Variants in AGPAT3 observed in about 807,000 individuals in gnomAD.
AGPAT3 encodes 1-acyl-sn-glycerol-3-phosphate acyltransferase gamma.
A neutral mutation model predicts 47.3 loss-of-function variants in AGPAT3; 5 were observed. That is an observed-to-expected ratio of 0.11 (90% CI 0.06 to 0.22). The LOEUF (loss-of-function observed/expected upper bound fraction) is 0.22. Ranked by LOEUF, AGPAT3 falls within the 10% of genes least tolerant of loss-of-function variation. AGPAT3 has a pLI of 1.00. For synonymous variants in AGPAT3, 212 were observed against 208.3 expected, an observed-to-expected ratio of 1.02 and a Z score of -0.15; for missense variants, 315 against 493.0, an observed-to-expected ratio of 0.64 and a Z score of 3.42.
chr21:43,969,848 C>G (rs997613644), intron 5 of AGPAT3, among the ~76,000 whole-genome samples: 3 of 152,044 alleles, frequency 2.0e-5, no homozygotes, highest in Non-Finnish European at 4.4e-5. Flanking sequence ...CAGGTGCGTG[C>G]CACCACACCT....
intron 2 of AGPAT3, among the ~76,000 whole-genome samples, chr21:43,923,148 G>A (rs985050571): frequency 2.2e-4 from 33 of 151,800 alleles, no homozygotes; most frequent in African/African-American, 6.5e-4. Context: ...TCGCAGCCTC[G>A]GGGACCTGTG....
chr21:43,909,651 T>C (rs1199065364), intron 2 of AGPAT3, among the ~76,000 whole-genome samples: 1 of 152,150 alleles, frequency 6.6e-6, no homozygotes, highest in African/African-American at 2.4e-5. Flanking sequence ...TCCTGGATAA[T>C]GAAAGGTATC....
intron 7 of AGPAT3, among the ~76,000 whole-genome samples, chr21:43,975,531 C>T (rs2089583199): frequency 6.6e-6 from 1 of 152,160 alleles, no homozygotes; most frequent in African/African-American, 2.4e-5. Context: ...TTCCTCAGTT[C>T]CTAGACAGAA....
At chr21:43,895,994 C>T (rs1362697340) in intron 1 of AGPAT3, among the ~76,000 whole-genome samples, 3 of 152,214 alleles carry the variant, frequency 2.0e-5, no homozygotes, top group African/African-American at 7.2e-5. Context: ...TCCCGAACTC[C>T]TGACCTCAGG....
chr21:43,936,799 G>A (rs532754791), intron 2 of AGPAT3, among the ~76,000 whole-genome samples: 216 of 152,360 alleles, frequency 1.4e-3, no homozygotes, highest in Non-Finnish European at 2.5e-3. Context: ...TGTCAGCTCC[G>A]CCTAAAGCGG....
rs2089892137 is a variant in AGPAT3 at position 43,982,599 on chromosome 21, C to T, written c.*207C>T. The stretch of plus-strand genomic sequence containing the variant: ...CTCCCACAGCGCAGGGTCCCAGCAT[C>T]TCCACGCGCGCCCGTGGGAGGTGGG... On this transcript the variant is annotated 3_prime_UTR_variant, in exon 10 of 10. Transcript: ENST00000291572. The surrounding 1 kb of genome is among the most constrained non-coding windows in gnomAD (Gnocchi z 6.2). The T allele has an allele frequency of 2.3e-6, 1 of 442,894 alleles. No homozygotes were observed. Among genetic ancestry groups the T allele is most frequent in the East Asian group, 4.4e-5 (1 of 22,664 alleles). 27.4% of individuals were successfully genotyped at this position (442,894 alleles called of 1,614,324 possible). A position where few individuals can be genotyped will look rare whatever the true frequency, so the allele number is the denominator to read the frequency against.
At chr21:43,935,654 G>A (rs1420560634) in intron 2 of AGPAT3, among the ~76,000 whole-genome samples, 1 of 152,236 alleles carries the variant, frequency 6.6e-6, no homozygotes, top group African/African-American at 2.4e-5. Flanking sequence ...GGTCTGCCTG[G>A]CATTTGGGGA....
intron 7 of AGPAT3, 151 bp from the exon 8 acceptor site, chr21:43,977,895 A>G (rs900452515): frequency 1.1e-5 from 7 of 617,492 alleles, no homozygotes; most frequent in East Asian, 2.9e-5. Context: ...CAAAAAAAAA[A>G]AAAAGAAAAG....
Position 43,970,577 on chromosome 21 carries a change from G to T in AGPAT3, c.511-76G>T. 4.0e-6 allele frequency: 6 copies of T among 1,496,570 alleles called. No homozygotes were observed. Among genetic ancestry groups the T allele is most frequent in the South Asian group, 1.2e-5 (1 of 83,662 alleles). 92.7% of individuals were successfully genotyped at this position (1,496,570 alleles called of 1,614,324 possible). A position where few individuals can be genotyped will look rare whatever the true frequency, so the allele number is the denominator to read the frequency against. On this transcript the variant is annotated intron_variant, in intron 5 of 9. Coordinates refer to ENST00000291572, the MANE Select transcript of AGPAT3 (RefSeq NM_020132.5). This position sits in a 1 kb window ranked among gnomAD's most constrained non-coding sequence, Gnocchi z 5.8. ...CAGCCACAACCTTTGCTGCCTGTCA[G>T]AGAGGCAGGCCTGGCCTGGACATGC...
intron 1 of AGPAT3, among the ~76,000 whole-genome samples, chr21:43,867,912 A>G (rs1364642059): frequency 6.6e-6 from 1 of 152,208 alleles, no homozygotes; most frequent in Non-Finnish European, 1.5e-5. Flanking sequence ...GGGTCGTTTC[A>G]AGTGGTAAAG....
rs775836597 is a variant in AGPAT3 at position 43,970,610 on chromosome 21, C to T, written c.511-43C>T. ...GGCCTGGCCTGGACATGCACCCACC[C>T]CAGCTGCTCTGTGGAGTGACCCTGT... On this transcript the variant is annotated intron_variant, in intron 5 of 9. Coordinates refer to ENST00000291572, the MANE Select transcript of AGPAT3 (RefSeq NM_020132.5). The surrounding 1 kb of genome is among the most constrained non-coding windows in gnomAD (Gnocchi z 5.8). 2 of 1,604,446 alleles carry T rather than the reference C, an allele frequency of 1.2e-6. No homozygotes were observed. The highest frequency in any genetic ancestry group is 2.7e-5 in the African/African-American group (2 of 74,564).
At chr21:43,941,094 G>A (rs1218702822) in intron 2 of AGPAT3, among the ~76,000 whole-genome samples, 3 of 152,324 alleles carry the variant, frequency 2.0e-5, no homozygotes, top group Admixed American at 1.3e-4. Context: ...AGGTGGTGCA[G>A]GGGGCAGCTG....
chr21:43,908,650 A>G lies in AGPAT3; in HGVS notation c.-49+4631A>G, dbSNP rs994125028. ...CAGCTCCGGGTTCAGGGCTGTGTCC[A>G]GGTTCAGGGGACTGTGAAATGCCAG... On this transcript the variant is annotated intron_variant, in intron 2 of 9. Transcript: ENST00000291572. This position sits in a 1 kb window ranked among gnomAD's most constrained non-coding sequence, Gnocchi z 4.9. 6.6e-6 allele frequency among the ~76,000 whole-genome samples: 1 copy of G among 152,192 alleles called. No individual in the cohort carries two copies. Among genetic ancestry groups the G allele is most frequent in the Non-Finnish European group, 1.5e-5 (1 of 68,044 alleles).
Position 43,893,787 on chromosome 21 carries a change from C to T in AGPAT3, c.-111-10170C>T, listed in dbSNP as rs188578335. 2.3e-3 allele frequency among the ~76,000 whole-genome samples: 343 copies of T among 152,302 alleles called. 1 individual carries two copies. Among genetic ancestry groups the T allele is most frequent in the Non-Finnish European group, 3.6e-3 (248 of 68,016 alleles). On this transcript the variant is annotated intron_variant, in intron 1 of 9. Transcript: ENST00000291572. ...GTTCAGAGCATGCACGACCTTTTTC[C>T]ACTCAGTTCCTCCTCTGATGGGGGC...
intron 2 of AGPAT3, among the ~76,000 whole-genome samples, chr21:43,918,907 T>C (rs2086824145): frequency 6.6e-6 from 1 of 152,222 alleles, no homozygotes; most frequent in South Asian, 2.1e-4. Flanking sequence ...CTGTTTATAC[T>C]TGTGATTACT....
chr21:43,957,660 C>G (rs557641400), intron 2 of AGPAT3, among the ~76,000 whole-genome samples: 3 of 148,160 alleles, frequency 2.0e-5, no homozygotes, highest in African/African-American at 5.0e-5. Context: ...CCCCTCCACA[C>G]GGGGGTCTCG....
intron 3 of AGPAT3, among the ~76,000 whole-genome samples, chr21:43,960,110 G>A (rs1201323564): frequency 6.6e-6 from 1 of 152,150 alleles, no homozygotes; most frequent in Non-Finnish European, 1.5e-5. Flanking sequence ...AGAGCATATG[G>A]GAATGTTTAA....
Position 43,922,560 on chromosome 21 carries a change from C to CA in AGPAT3, c.-49+18542dup, listed in dbSNP as rs1488999865. Among the ~76,000 whole-genome samples, 1 of 152,168 alleles carries CA rather than the reference C, an allele frequency of 6.6e-6. No homozygotes were observed. The highest frequency in any genetic ancestry group is 1.5e-5 in the Non-Finnish European group (1 of 68,018). ...GTCCCTGGAAGAGAGGCCTGCATGG[C>CA]AGGGGGCACAGAGACTCTGGGCCTG... On this transcript the variant is annotated intron_variant, in intron 2 of 9. Transcript: ENST00000291572. The surrounding 1 kb of genome is among the most constrained non-coding windows in gnomAD (Gnocchi z 4.9).
intron 8 of AGPAT3, among the ~76,000 whole-genome samples, chr21:43,979,690 T>C (rs2838461): frequency 0.092 from 14,042 of 152,196 alleles, 670 homozygotes; most frequent in Middle Eastern, 0.11. Flanking sequence ...TACAGGCCTG[T>C]CCTCCAACAG....
Sources: gnomAD v4.1 joint callset for allele counts (sites outside exome capture counted in the v4.1 genomes callset) on GRCh38, gnomAD v4.1.1 for gene constraint, Gnocchi (gnomAD v3.1) non-coding constraint, MANE v1.5 for transcripts, NCBI Gene and HGNC (gene_info 2026-07-23, HGNC 2026-07-21) for gene names.